SIRT5: variants seen among roughly 807,000 people sequenced by gnomAD.
The protein encoded by SIRT5 is sirtuin 5, also known as NAD-dependent protein deacylase sirtuin-5, mitochondrial.
SIRT5 carries 26 observed loss-of-function variants against 40.0 expected under a neutral mutation model. The observed-to-expected ratio is 0.65, with a 90% CI of 0.48 to 0.90. The LOEUF (loss-of-function observed/expected upper bound fraction) is 0.90, where lower values mean the gene tolerates loss of function less well. Among genes scored for constraint, SIRT5 ranks in the 40% least tolerant of loss-of-function variants. The pLI is 0.00. For synonymous variants in SIRT5, 146 were observed against 149.1 expected (o/e 0.98, Z 0.15); for missense variants, 401 against 402.4 (o/e 1.00, Z 0.03).
rs150816932 is a variant in SIRT5, at chr6:13,599,075, G to C, written c.661G>C (p.Val221Leu). The change falls in exon 8 of 10, where the codon GTG becomes CTG. Residue 221 changes from valine to leucine, a missense_variant. Val to Leu is a conservative substitution (Grantham distance 32, BLOSUM62 1). Coordinates refer to ENST00000606117, the MANE Select transcript of SIRT5 (RefSeq NM_012241.5). ...CGGGGGCTTGCTGCGACCTCACGTC[G>C]TGTGGTTTGGAGAAAACCTGGATCC... Reference protein sequence around the residue: ...GCGGLLRPHVVWFGENLDPAI... With the variant: ...GCGGLLRPHVLWFGENLDPAI... 1.9e-6 allele frequency: 3 copies of C among 1,613,964 alleles called. No individual in the cohort carries two copies. The highest frequency in any genetic ancestry group is 3.3e-5 in the Admixed American group (2 of 60,000).
At chr6:13,592,439 A>T (rs1459620277) in intron 5 of SIRT5, among the ~76,000 whole-genome samples, 1 of 151,164 alleles carries the variant, frequency 6.6e-6, no homozygotes, top group Non-Finnish European at 1.5e-5. Flanking sequence ...GTCTCCTGTC[A>T]CTCCCCCTTC....
chr6:13,578,616 C>CAAAAAA (rs60663066), intron 1 of SIRT5, among the ~76,000 whole-genome samples: 3 of 36,786 alleles, frequency 8.2e-5, no homozygotes, highest in East Asian at 7.1e-4. Flanking sequence ...GACTCCATCT[C>CAAAAAA]AAAAAAAAAA....
At chr6:13,584,771 A>G (rs371219488) in intron 3 of SIRT5, among the ~76,000 whole-genome samples, 1 of 83,390 alleles carries the variant, frequency 1.2e-5, no homozygotes, top group African/African-American at 3.5e-5. Context: ...CTTTTTACAC[A>G]TGTTTTGTAC....
At position 13,612,091 on chromosome 6, in the gene SIRT5, G is replaced by C; in HGVS notation, c.*226G>C. The C allele has an allele frequency of 2.6e-6, 1 of 382,304 alleles. No individual in the cohort carries two copies. The highest frequency in any genetic ancestry group is 4.1e-5 in the Admixed American group (1 of 24,290). The allele number at this position is 382,304 out of a possible 1,614,324, so 23.7% of individuals were successfully genotyped here. On this transcript the variant is annotated 3_prime_UTR_variant, in exon 10 of 10. Coordinates refer to ENST00000606117, the MANE Select transcript of SIRT5 (RefSeq NM_012241.5). ...AAAGTTAATTCATATTATTTGGTTT[G>C]AACTGAAACGTGAGGTATCTTTGAT...
chr6:13,592,265 G>A (rs1041104979), intron 5 of SIRT5, among the ~76,000 whole-genome samples: 5 of 152,168 alleles, frequency 3.3e-5, no homozygotes, highest in Admixed American at 2.0e-4. Flanking sequence ...GGTGGCTGGC[G>A]TGCTTTTTAT....
At chr6:13,594,075 G>A (rs1159902657) in intron 5 of SIRT5, among the ~76,000 whole-genome samples, 3 of 152,164 alleles carry the variant, frequency 2.0e-5, no homozygotes, top group Non-Finnish European at 4.4e-5. Flanking sequence ...CAGTGGAAAG[G>A]CTGTAGACAA....
rs1372960599 is a variant in SIRT5 at position 13,611,787 on chromosome 6, C to G, written c.858-3C>G. 4 of 1,609,134 alleles carry G rather than the reference C, an allele frequency of 2.5e-6. No homozygotes were observed. In the East Asian group the frequency reaches 8.9e-5, roughly 36 times the overall value. On this transcript the variant is annotated splice_region_variant and splice_polypyrimidine_tract_variant and intron_variant, in intron 9 of 9. Coordinates refer to ENST00000606117, the MANE Select transcript of SIRT5 (RefSeq NM_012241.5). ...ACTGCTGTATTTGCTTCTTCTCTTT[C>G]AGGTTTCATTTCCAGGGACCCTGTG...
chr6:13,606,439 G>A (rs966283408), intron 9 of SIRT5, among the ~76,000 whole-genome samples: 1 of 152,092 alleles, frequency 6.6e-6, no homozygotes, highest in Non-Finnish European at 1.5e-5. Flanking sequence ...ACCTATCTAG[G>A]GTGTGAAGAG....
intron 6 of SIRT5, 91 bp downstream of exon 6, chr6:13,595,655 C>T: frequency 3.0e-6 from 3 of 997,062 alleles, no homozygotes; most frequent in Non-Finnish European, 4.8e-6. Context: ...ATCAAAGATT[C>T]CCATGGATAT....
chr6:13,588,410 T>C lies in SIRT5; in HGVS notation c.195T>C (p.Ser65=), dbSNP rs764386600. Residue 65 remains serine, a synonymous_variant, in exon 4 of 10, where the codon AGT becomes AGC. Transcript: ENST00000606117. Reference sequence around the variant, plus strand: ...CAGGAGCTGGTGTTAGTGCAGAAAGTGGTGTTCCGACCTTCAGAGGAGCTG... The same window carrying C: ...CAGGAGCTGGTGTTAGTGCAGAAAGCGGTGTTCCGACCTTCAGAGGAGCTG... ...IISGAGVSAE[S]GVPTFRGAGG... 6.2e-7 allele frequency: 1 copy of C among 1,614,170 alleles called. No individual in the cohort carries two copies. The highest frequency in any genetic ancestry group is 8.5e-7 in the Non-Finnish European group (1 of 1,180,038).
chr6:13,606,110 C>T (rs2127724793), intron 9 of SIRT5, among the ~76,000 whole-genome samples: 1 of 152,288 alleles, frequency 6.6e-6, no homozygotes, highest in Middle Eastern at 3.4e-3. Flanking sequence ...AGCACGTGAG[C>T]AGGTGCTAAG....
chr6:13,602,300 A>G (rs1762495447), intron 9 of SIRT5, among the ~76,000 whole-genome samples: 1 of 152,222 alleles, frequency 6.6e-6, no homozygotes, highest in Admixed American at 6.5e-5. Flanking sequence ...AAACAAAATG[A>G]AAAATGAAGT....
chr6:13,591,018 T>C (rs1760824076), intron 4 of SIRT5, among the ~76,000 whole-genome samples: 2 of 152,034 alleles, frequency 1.3e-5, no homozygotes, highest in South Asian at 4.2e-4. Context: ...TGTGTGTAGT[T>C]GTGTGTGTAT....
rs577262340 is a variant in SIRT5, at chr6:13,585,570, A to T, written c.115+1345A>T. Among the ~76,000 whole-genome samples, 3 of 152,192 alleles carry T rather than the reference A, an allele frequency of 2.0e-5. No individual in the cohort carries two copies. The East Asian group carries it at 5.8e-4, about 29-fold the overall frequency. ...ATCCATGTCCCTGCAAAGGACATGA[A>T]CTCATCCTTTTTTATGTCTGCATAG... is the stretch of plus-strand genomic sequence containing the variant. On this transcript the variant is annotated intron_variant, in intron 3 of 9. Transcript: ENST00000606117.
chr6:13,580,810 A>G (rs1251333502), intron 2 of SIRT5, among the ~76,000 whole-genome samples: 1 of 152,134 alleles, frequency 6.6e-6, no homozygotes. Flanking sequence ...CTGGGACCAT[A>G]GGCATGCACT....
At chr6:13,611,238 CACACACACAT>C (rs1214269950) in intron 9 of SIRT5, among the ~76,000 whole-genome samples, 8 of 116,378 alleles carry the variant, frequency 6.9e-5, no homozygotes, top group African/African-American at 2.9e-4. Context: ...TATATATATA[CACACACACAT>C]ACACACACAC....
intron 9 of SIRT5, among the ~76,000 whole-genome samples, chr6:13,611,037 T>C (rs1365506035): frequency 6.6e-6 from 1 of 151,794 alleles, no homozygotes; most frequent in African/African-American, 2.4e-5. Flanking sequence ...TCCTTCCTCT[T>C]TCTCTTTTTT....
At chr6:13,611,576 C>T (rs1328001581) in intron 9 of SIRT5, among the ~76,000 whole-genome samples, 2 of 143,418 alleles carry the variant, frequency 1.4e-5, no homozygotes, top group African/African-American at 4.9e-5. Context: ...CTCAAAATTC[C>T]CCCAGTCACA....
At chr6:13,610,586 A>G (rs180714276) in intron 9 of SIRT5, among the ~76,000 whole-genome samples, 2 of 152,300 alleles carry the variant, frequency 1.3e-5, no homozygotes, top group Non-Finnish European at 2.9e-5. Flanking sequence ...TTGCTTTTGT[A>G]AGGCGGAAGA....
Sources: gnomAD v4.1 joint callset for allele counts (sites outside exome capture counted in the v4.1 genomes callset) on GRCh38, gnomAD v4.1.1 for gene constraint, MANE v1.5 for transcripts, NCBI Gene and HGNC (gene_info 2026-07-23, HGNC 2026-07-21) for gene names.